The following EDAR variants were observed in gnomAD, a reference collection of about 807,000 sequenced individuals.
EDAR encodes the protein ectodysplasin A receptor.
In EDAR, 38 loss-of-function variants were observed where a neutral mutation model predicts 51.3. The observed-to-expected ratio is 0.74, with a 90% CI of 0.57 to 0.97. The LOEUF is 0.97. Among genes scored for constraint, EDAR ranks in the 50% least tolerant of loss-of-function variants. EDAR has a pLI of 0.00. For missense variants in EDAR, 528 were observed against 595.0 expected, an observed-to-expected ratio of 0.89 and a Z score of 1.17; for synonymous variants, 227 against 242.1, an observed-to-expected ratio of 0.94 and a Z score of 0.58.
chr2:108,915,936 C>T (rs779590813), intron 5 of EDAR, among the ~76,000 whole-genome samples: 47 of 152,046 alleles, frequency 3.1e-4, no homozygotes, highest in Non-Finnish European at 5.6e-4. Flanking sequence ...AAAAAAAGAG[C>T]TGGTGGAGAA....
At chr2:108,939,614 G>C (rs1697550607) in intron 1 of EDAR, among the ~76,000 whole-genome samples, 1 of 152,082 alleles carries the variant, frequency 6.6e-6, no homozygotes, top group Non-Finnish European at 1.5e-5. Flanking sequence ...TGTCCCGTTA[G>C]GAAGTGCAGT....
chr2:108,969,453 A>G (rs1698201518), intron 1 of EDAR, among the ~76,000 whole-genome samples: 2 of 152,206 alleles, frequency 1.3e-5, no homozygotes, highest in African/African-American at 4.8e-5. Flanking sequence ...TTATGGGGCC[A>G]GACACCATGC....
At chr2:108,933,157 C>T (rs377146063) in intron 1 of EDAR, among the ~76,000 whole-genome samples, 5 of 152,180 alleles carry the variant, frequency 3.3e-5, no homozygotes, top group South Asian at 2.1e-4. Flanking sequence ...AGAATGCCTC[C>T]GGGTGTATTT....
Position 108,912,660 on chromosome 2 carries a change from C to T in EDAR, c.529+18G>A. 6.4e-7 allele frequency: 1 copy of T among 1,570,366 alleles called. No individual in the cohort carries two copies. Among genetic ancestry groups the T allele is most frequent in the Non-Finnish European group, 8.6e-7 (1 of 1,156,380 alleles). On this transcript the variant is annotated intron_variant, in intron 6 of 11. Coordinates refer to ENST00000258443, the MANE Select transcript of EDAR (RefSeq NM_022336.4). The stretch of plus-strand genomic sequence containing the variant: ...ACCACCTAACTCCAGGTGATCGATA[C>T]CTGAGCACCCTCCTCACCTTTGTGG...
At chr2:108,915,344 T>C (rs564124497) in intron 5 of EDAR, among the ~76,000 whole-genome samples, 1 of 152,276 alleles carries the variant, frequency 6.6e-6, no homozygotes, top group East Asian at 1.9e-4. Flanking sequence ...CACAGGAGAA[T>C]GGGCTGGATG....
intron 1 of EDAR, among the ~76,000 whole-genome samples, chr2:108,941,335 G>A (rs1697590315): frequency 6.6e-6 from 1 of 152,142 alleles, no homozygotes; most frequent in Admixed American, 6.5e-5. Flanking sequence ...TGACTCAAAC[G>A]TGAGGCAGGT....
At chr2:108,902,458 A>G (rs890190871) in intron 11 of EDAR, among the ~76,000 whole-genome samples, 26 of 152,222 alleles carry the variant, frequency 1.7e-4, no homozygotes, top group Admixed American at 5.2e-4. Flanking sequence ...ATTCTACAAA[A>G]TGTTTAAGAA....
intron 1 of EDAR, among the ~76,000 whole-genome samples, chr2:108,969,261 C>T (rs1335183307): frequency 6.6e-6 from 1 of 152,136 alleles, no homozygotes; most frequent in East Asian, 1.9e-4. Flanking sequence ...CAACCTCCAC[C>T]CCACCTATTT....
At chr2:108,934,073 C>G (rs973507703) in intron 1 of EDAR, among the ~76,000 whole-genome samples, 2 of 152,124 alleles carry the variant, frequency 1.3e-5, no homozygotes. Context: ...CTGGGCCTGC[C>G]GCACCTTAGT....
At chr2:108,941,944 G>A (rs1697607009) in intron 1 of EDAR, among the ~76,000 whole-genome samples, 1 of 152,238 alleles carries the variant, frequency 6.6e-6, no homozygotes, top group Non-Finnish European at 1.5e-5. Context: ...GCTGCACAGA[G>A]AGGCCTGTCC....
intron 1 of EDAR, among the ~76,000 whole-genome samples, chr2:108,988,454 C>T (rs1201368343): frequency 6.6e-6 from 1 of 152,192 alleles, no homozygotes; most frequent in Non-Finnish European, 1.5e-5. Flanking sequence ...CTCCCCGCTC[C>T]CCCGCCACCA....
At chr2:108,969,108 A>G (rs549037801) in intron 1 of EDAR, among the ~76,000 whole-genome samples, 12 of 152,268 alleles carry the variant, frequency 7.9e-5, no homozygotes, top group South Asian at 6.2e-4. Flanking sequence ...TCATGGTTTT[A>G]GCTCCTTGAG....
chr2:108,976,399 T>C (rs1279514036), intron 1 of EDAR, among the ~76,000 whole-genome samples: 1 of 152,224 alleles, frequency 6.6e-6, no homozygotes, highest in African/African-American at 2.4e-5. Flanking sequence ...GCTACCAGCA[T>C]GGCTCAGGAT....
chr2:108,951,304 G>T lies in EDAR; in HGVS notation c.-18-20272C>A, dbSNP rs79773255. Among the ~76,000 whole-genome samples the T allele has an allele frequency of 7.8e-3, 1,192 of 152,204 alleles. 9 individuals are homozygous for T. The highest frequency in any genetic ancestry group is 0.029 in the South Asian group (139 of 4,816). ...TTCCAATGACCACACTACTGTACAG[G>T]TATTGAAGAAACTCTGAACTTAGCA... On this transcript the variant is annotated intron_variant, in intron 1 of 11. Coordinates refer to ENST00000258443, the MANE Select transcript of EDAR (RefSeq NM_022336.4).
At position 108,894,512 on chromosome 2, in the gene EDAR, T is replaced by G. The variant is rs1186508626; in HGVS notation, c.*2395A>C. 1 of 152,522 alleles carries G rather than the reference T, an allele frequency of 6.6e-6. No homozygotes were observed. Among genetic ancestry groups the G allele is most frequent in the Non-Finnish European group, 1.5e-5 (1 of 68,030 alleles). The allele number at this position is 152,522 out of a possible 1,614,324, so 9.4% of individuals were successfully genotyped here. On this transcript the variant is annotated 3_prime_UTR_variant, in exon 12 of 12. Transcript: ENST00000258443. The stretch of plus-strand genomic sequence containing the variant: ...ATTGAGATTATAAAATATAATAAGT[T>G]ATATATATACAGAATTAGACAAAAA...
intron 1 of EDAR, among the ~76,000 whole-genome samples, chr2:108,962,667 T>G: frequency 9.7e-6 from 1 of 102,872 alleles, no homozygotes; most frequent in Non-Finnish European, 1.8e-5. Flanking sequence ...AGAGCGAGAC[T>G]CTGTCTCAAA....
intron 1 of EDAR, among the ~76,000 whole-genome samples, chr2:108,972,462 C>A (rs1698252576): frequency 6.6e-6 from 1 of 152,228 alleles, no homozygotes; most frequent in Non-Finnish European, 1.5e-5. Flanking sequence ...CCAGACACTG[C>A]CCTTTCCAAT....
At chr2:108,910,317 G>A in intron 9 of EDAR, 143 bp downstream of exon 9, 1 of 686,120 alleles carries the variant, frequency 1.5e-6, no homozygotes, top group Non-Finnish European at 2.6e-6. Context: ...TCAGCAAAGA[G>A]GTGGTGGGGA....
intron 1 of EDAR, among the ~76,000 whole-genome samples, chr2:108,971,040 T>C (rs1698223606): frequency 1.3e-5 from 2 of 152,128 alleles, no homozygotes; most frequent in South Asian, 4.1e-4. Flanking sequence ...GGGATGATGC[T>C]GGTGGTGGGG....
Sources: allele counts gnomAD v4.1 joint callset (sites outside exome capture counted in the v4.1 genomes callset), GRCh38; gene constraint gnomAD v4.1.1; transcripts MANE v1.5; gene names NCBI Gene and HGNC (gene_info 2026-07-23, HGNC 2026-07-21).